Variants in PUS7 observed in about 807,000 individuals in gnomAD.
PUS7 encodes the protein pseudouridine synthase 7, also known as pseudouridylate synthase 7 homolog.
A neutral mutation model predicts 79.8 loss-of-function variants in PUS7; 48 were observed. That is an observed-to-expected ratio of 0.60 (90% CI 0.48 to 0.76). The LOEUF is 0.76. Ranked by LOEUF, PUS7 falls within the 30% of genes least tolerant of loss-of-function variation. The pLI, the probability that PUS7 is intolerant of heterozygous loss-of-function variation, is 0.00. For synonymous variants in PUS7, 286 were observed against 272.2 expected, an observed-to-expected ratio of 1.05 and a Z score of -0.50; for missense variants, 729 against 797.6, an observed-to-expected ratio of 0.91 and a Z score of 1.04.
Position 105,497,074 on chromosome 7 carries a change from A to G in PUS7, c.731-1821T>C. The G allele has an allele frequency of 4.7e-6, 4 of 852,416 alleles. No homozygotes were observed. In the Admixed American group the frequency reaches 1.5e-4, roughly 32 times the overall value. 52.8% of individuals were successfully genotyped at this position (852,416 alleles called of 1,614,324 possible). A position where few individuals can be genotyped will look rare whatever the true frequency, so the allele number is the denominator to read the frequency against. On this transcript the variant is annotated intron_variant, in intron 5 of 15. Transcript: ENST00000469408. ...TGCAAATGATCGCATGGTTAAGTTT[A>G]CACTGAGGACTTCTACAGCACCCGG...
chr7:105,483,852 G>C (rs978607741), intron 7 of PUS7, among the ~76,000 whole-genome samples: 4 of 152,136 alleles, frequency 2.6e-5, no homozygotes, highest in Admixed American at 1.3e-4. Context: ...TTGCAGCTGT[G>C]ATGTCTGTTT....
chr7:105,496,291 C>T (rs1380624800), intron 5 of PUS7, among the ~76,000 whole-genome samples: 2 of 137,958 alleles, frequency 1.4e-5, no homozygotes, highest in Non-Finnish European at 3.1e-5. Flanking sequence ...TAGATTTAAG[C>T]TGCTCAAAAT....
chr7:105,488,626 G>C (rs1824649089), intron 7 of PUS7, among the ~76,000 whole-genome samples: 2 of 152,176 alleles, frequency 1.3e-5, no homozygotes, highest in South Asian at 4.1e-4. Context: ...TTCAAAAATA[G>C]AGTAATAGTT....
intron 9 of PUS7, among the ~76,000 whole-genome samples, chr7:105,479,465 C>T (rs943620114): frequency 6.6e-6 from 1 of 152,118 alleles, no homozygotes; most frequent in South Asian, 2.1e-4. Context: ...AGAACATGGA[C>T]GCTTAGATAA....
In PUS7 at chr7:105,506,290, T is replaced by A. The variant is rs754515665; in HGVS notation, c.399-17A>T. ...TCGGAGTATCTGATGAAAGAAAACA[T>A]GAACTTTCAGATAATTAACATCCTG... On this transcript the variant is annotated splice_polypyrimidine_tract_variant and intron_variant, in intron 2 of 15. Transcript: ENST00000469408. 1 of 1,556,810 alleles carries A rather than the reference T, an allele frequency of 6.4e-7. No individual in the cohort carries two copies. Among genetic ancestry groups the A allele is most frequent in the East Asian group, 2.2e-5 (1 of 44,590 alleles).
At position 105,505,129 on chromosome 7, in the gene PUS7, T is replaced by C. The variant is rs533331343; in HGVS notation, c.585+826A>G. 4.9e-4 allele frequency among the ~76,000 whole-genome samples: 75 copies of C among 151,576 alleles called. 5 individuals carry two copies. In the South Asian group the frequency reaches 0.013, roughly 26 times the overall value. On this transcript the variant is annotated intron_variant, in intron 4 of 15. Transcript: ENST00000469408. ...GATTCTCTTGCCTCAGCCTCCCAAG[T>C]AGCTGGGACTACAGGCCTGCGCTAC...
At position 105,513,449 on chromosome 7, in the gene PUS7, C is replaced by G. The variant is rs192493181; in HGVS notation, c.-32-4905G>C. Among the ~76,000 whole-genome samples, 13 of 152,306 alleles carry G rather than the reference C, an allele frequency of 8.5e-5. No homozygotes were observed. In the East Asian group the frequency reaches 2.5e-3, roughly 29 times the overall value. On this transcript the variant is annotated intron_variant, in intron 1 of 15. Coordinates refer to ENST00000469408, the MANE Select transcript of PUS7 (RefSeq NM_019042.5). ...CTTAACCTCTCGAATCTGTTTCTTT[C>G]TCTGTAAAAGTAAAATATGATGACT...
intron 4 of PUS7, among the ~76,000 whole-genome samples, chr7:105,503,106 T>G (rs1239444871): frequency 6.6e-6 from 1 of 152,206 alleles, no homozygotes; most frequent in African/African-American, 2.4e-5. Context: ...TCATTTTATT[T>G]AATCTTTGTA....
intron 1 of PUS7, among the ~76,000 whole-genome samples, chr7:105,518,650 C>G (rs1278469639): frequency 6.6e-6 from 1 of 152,182 alleles, no homozygotes; most frequent in Non-Finnish European, 1.5e-5. Flanking sequence ...TCTGCCCTGC[C>G]TCAACTGGGA....
chr7:105,465,819 G>A (rs559532972), intron 12 of PUS7, among the ~76,000 whole-genome samples: 1 of 151,552 alleles, frequency 6.6e-6, no homozygotes, highest in African/African-American at 2.4e-5. Context: ...GGTGACAAGA[G>A]TGAAACTCCT....
intron 11 of PUS7, among the ~76,000 whole-genome samples, chr7:105,468,857 G>T (rs185443087): frequency 6.6e-5 from 10 of 151,984 alleles, no homozygotes; most frequent in African/African-American, 2.4e-4. Flanking sequence ...GCTTGTTAGT[G>T]GTAATCGTAG....
intron 14 of PUS7, among the ~76,000 whole-genome samples, chr7:105,459,800 T>C (rs1823340084): frequency 1.3e-5 from 2 of 152,106 alleles, no homozygotes; most frequent in South Asian, 4.1e-4. Context: ...GGGCCAGGCA[T>C]GGTGGCTCAT....
chr7:105,521,561 T>A (rs1187042320), intron 1 of PUS7, among the ~76,000 whole-genome samples: 1 of 152,176 alleles, frequency 6.6e-6, no homozygotes, highest in East Asian at 1.9e-4. Context: ...AGGCTCCCAG[T>A]GAGCGGCGAC....
intron 6 of PUS7, 98 bp from the exon 7 acceptor site, chr7:105,491,715 C>G: frequency 1.4e-6 from 1 of 700,320 alleles, no homozygotes. Context: ...AACATACTTA[C>G]AATCATAACA....
chr7:105,507,170 C>T lies in PUS7; in HGVS notation c.399-897G>A, dbSNP rs112192420. 3.0e-3 allele frequency among the ~76,000 whole-genome samples: 451 copies of T among 152,012 alleles called. 3 individuals are homozygous for T. Among genetic ancestry groups the T allele is most frequent in the African/African-American group, 0.01 (416 of 41,456 alleles). On this transcript the variant is annotated intron_variant, in intron 2 of 15. Coordinates refer to ENST00000469408, the MANE Select transcript of PUS7 (RefSeq NM_019042.5). The stretch of plus-strand genomic sequence containing the variant: ...AAGTGATTCTCCTGCCTCAGCCTAC[C>T]GAGTAGCTGGGATTACAGGCGCGTG...
At chr7:105,488,547 A>T (rs1280702596) in intron 7 of PUS7, among the ~76,000 whole-genome samples, 1 of 152,238 alleles carries the variant, frequency 6.6e-6, no homozygotes, top group Non-Finnish European at 1.5e-5. Context: ...GATGTGTGCC[A>T]AGATTTAGCT....
intron 8 of PUS7, 53 bp from the exon 9 acceptor site, chr7:105,481,230 G>T: frequency 6.5e-7 from 1 of 1,529,634 alleles, no homozygotes; most frequent in South Asian, 1.3e-5. Context: ...AAATACTCAG[G>T]GATGCAGCTC....
At chr7:105,502,294 C>T in intron 5 of PUS7, 126 bp downstream of exon 5, 3 of 1,194,278 alleles carry the variant, frequency 2.5e-6, no homozygotes, top group Non-Finnish European at 3.5e-6. Flanking sequence ...GAAGGAGGGA[C>T]ATGATCAATA....
intron 12 of PUS7, 39 bp from the exon 13 acceptor site, chr7:105,465,453 G>T: frequency 1.4e-6 from 2 of 1,408,722 alleles, no homozygotes; most frequent in Non-Finnish European, 1.0e-6. Flanking sequence ...AAGAAAATAG[G>T]CAATATTGTT....
Sources: allele counts gnomAD v4.1 joint callset (sites outside exome capture counted in the v4.1 genomes callset), GRCh38; gene constraint gnomAD v4.1.1; transcripts MANE v1.5; gene names NCBI Gene and HGNC (gene_info 2026-07-23, HGNC 2026-07-21).